The following VPS39 variants were observed in gnomAD, a reference collection of about 807,000 sequenced individuals.
VPS39 encodes VPS39 subunit of HOPS complex.
A neutral mutation model predicts 121.0 loss-of-function variants in VPS39; 70 were observed. The observed-to-expected ratio is 0.58, with a 90% CI of 0.48 to 0.71. VPS39 has a LOEUF of 0.71. Among genes scored for constraint, VPS39 ranks in the 30% least tolerant of loss-of-function variants. The pLI, the probability that VPS39 is intolerant of heterozygous loss-of-function variation, is 0.00. For synonymous variants in VPS39, 378 were observed against 398.1 expected (o/e 0.95, Z 0.60); for missense variants, 818 against 1,051.5 (o/e 0.78, Z 3.07).
intron 8 of VPS39, among the ~76,000 whole-genome samples, chr15:42,183,099 G>GTTT (rs1566901555): frequency 1.4e-5 from 2 of 146,740 alleles, no homozygotes; most frequent in Non-Finnish European, 1.5e-5. Flanking sequence ...AACATGATGT[G>GTTT]TTTTTTGTTT....
intron 8 of VPS39, chr15:42,184,126 C>A: frequency 6.7e-6 from 1 of 148,912 alleles, no homozygotes; most frequent in Non-Finnish European, 1.5e-5. Flanking sequence ...AAAAACCCTT[C>A]AATATGGAAT....
intron 3 of VPS39, 113 bp from the exon 4 acceptor site, chr15:42,191,280 T>C (rs2049822924): frequency 7.7e-7 from 1 of 1,306,474 alleles, no homozygotes. Context: ...GTTACAGGGA[T>C]CTCACTGATT....
At chr15:42,189,728 CA>C (rs35437812) in intron 4 of VPS39, among the ~76,000 whole-genome samples, 21 of 71,906 alleles carry the variant, frequency 2.9e-4, no homozygotes, top group Admixed American at 7.6e-4. Flanking sequence ...GACTCCGTCT[CA>C]AAAAAAAAAA....
intron 18 of VPS39, 141 bp downstream of exon 18, chr15:42,164,855 A>G: frequency 6.9e-7 from 1 of 1,457,674 alleles, no homozygotes; most frequent in Middle Eastern, 2.5e-4. Context: ...TGTGTCACTT[A>G]GCTCCCCTGG....
At chr15:42,194,581 A>G (rs2049895744) in intron 2 of VPS39, among the ~76,000 whole-genome samples, 1 of 152,064 alleles carries the variant, frequency 6.6e-6, no homozygotes, top group Non-Finnish European at 1.5e-5. Context: ...AGAAGTGAAA[A>G]AACTATCTGG....
rs746385393 is a variant in VPS39, at chr15:42,163,741, G to C, written c.2027-13C>G. On this transcript the variant is annotated splice_polypyrimidine_tract_variant and intron_variant, in intron 19 of 24. Coordinates refer to ENST00000318006, the MANE Select transcript of VPS39 (RefSeq NM_015289.5). ...TCTTCTAAGAGGCCTAGGAGGAAAA[G>C]GAATATGAGGAACCACTGCCGCCAT... The C allele has an allele frequency of 6.3e-7, 1 of 1,594,670 alleles. No individual in the cohort carries two copies.
chr15:42,167,171 G>A (rs1023421260), intron 13 of VPS39, among the ~76,000 whole-genome samples: 4 of 152,166 alleles, frequency 2.6e-5, no homozygotes, highest in East Asian at 1.9e-4. Context: ...ACTGCAATCC[G>A]ACCAGAGAAG....
At chr15:42,164,857 C>A in intron 18 of VPS39, 139 bp downstream of exon 18, 1 of 1,459,366 alleles carries the variant, frequency 6.9e-7, no homozygotes, top group African/African-American at 1.4e-5. Flanking sequence ...TGTCACTTAG[C>A]TCCCCTGGCT....
intron 24 of VPS39, chr15:42,161,462 A>G (rs764924132): frequency 1.5e-6 from 1 of 659,044 alleles, no homozygotes; most frequent in Non-Finnish European, 2.8e-6. Context: ...CAAGAATCCA[A>G]CAGCTCCATA....
At chr15:42,201,849 T>C (rs1463731835) in intron 1 of VPS39, among the ~76,000 whole-genome samples, 4 of 152,240 alleles carry the variant, frequency 2.6e-5, no homozygotes, top group Non-Finnish European at 5.9e-5. Flanking sequence ...TCTTGACCTC[T>C]GTAAAATAAA....
Position 42,160,070 on chromosome 15 carries a change from A to G in VPS39, c.*684T>C, listed in dbSNP as rs2049099174. On this transcript the variant is annotated 3_prime_UTR_variant, in exon 25 of 25. Transcript: ENST00000318006. The stretch of plus-strand genomic sequence containing the variant: ...CTATTTACAACATACCTGACAATCA[A>G]CTAGCACTGTATTCCTAGAACTGAG... The G allele has an allele frequency of 2.6e-5, 4 of 152,544 alleles. No individual in the cohort carries two copies. Among genetic ancestry groups the G allele is most frequent in the Admixed American group, 2.6e-4 (4 of 15,312 alleles). The allele number at this position is 152,544 out of a possible 1,614,324, so 9.4% of individuals were successfully genotyped here.
intron 7 of VPS39, among the ~76,000 whole-genome samples, chr15:42,186,987 A>G (rs2049716508): frequency 6.6e-6 from 1 of 152,262 alleles, no homozygotes. Flanking sequence ...ATGATGATCC[A>G]CTGGACAGAG....
At chr15:42,169,420 GT>G (rs772841129) in intron 12 of VPS39, among the ~76,000 whole-genome samples, 2 of 151,994 alleles carry the variant, frequency 1.3e-5, no homozygotes, top group African/African-American at 2.4e-5. Context: ...CAAAAAGTTT[GT>G]TTTAAAAAAA....
chr15:42,177,332 C>A (rs2049474986), intron 10 of VPS39, among the ~76,000 whole-genome samples: 1 of 152,050 alleles, frequency 6.6e-6, no homozygotes, highest in Non-Finnish European at 1.5e-5. Context: ...TTTAAAAGAA[C>A]AAGACACAGA....
chr15:42,179,871 T>C (rs1174684919), intron 8 of VPS39, among the ~76,000 whole-genome samples: 3 of 152,072 alleles, frequency 2.0e-5, no homozygotes, highest in Non-Finnish European at 4.4e-5. Flanking sequence ...AGGTGGGGCC[T>C]AATGGGAGGT....
At chr15:42,192,353 T>C (rs978975112) in intron 2 of VPS39, among the ~76,000 whole-genome samples, 1 of 152,192 alleles carries the variant, frequency 6.6e-6, no homozygotes, top group Non-Finnish European at 1.5e-5. Context: ...CAAGCTCATA[T>C]TTGAGGGGCA....
chr15:42,204,564 G>A (rs2050132276), intron 1 of VPS39, among the ~76,000 whole-genome samples: 1 of 152,074 alleles, frequency 6.6e-6, no homozygotes, highest in African/African-American at 2.4e-5. Flanking sequence ...GCACGACAGT[G>A]GCTTGTACCT....
chr15:42,201,457 G>A (rs571127206), intron 1 of VPS39, among the ~76,000 whole-genome samples: 16 of 152,228 alleles, frequency 1.1e-4, no homozygotes, highest in Non-Finnish European at 1.9e-4. Context: ...TTACAGGGGT[G>A]AGCGACTGTG....
chr15:42,206,757 T>C (rs1053450898), intron 1 of VPS39, among the ~76,000 whole-genome samples: 1 of 152,172 alleles, frequency 6.6e-6, no homozygotes, highest in African/African-American at 2.4e-5. Context: ...ACAGGCACTG[T>C]TTCTTATTCA....
Sources: gnomAD v4.1 joint callset for allele counts (sites outside exome capture counted in the v4.1 genomes callset) on GRCh38, gnomAD v4.1.1 for gene constraint, MANE v1.5 for transcripts, NCBI Gene and HGNC (gene_info 2026-07-23, HGNC 2026-07-21) for gene names.